Variants in TRPC5 observed in about 807,000 individuals in gnomAD.
TRPC5 encodes short transient receptor potential channel 5.
A neutral mutation model predicts 56.5 loss-of-function variants in TRPC5; 9 were observed. The observed-to-expected ratio is 0.16, with a 90% CI of 0.10 to 0.28. The LOEUF is 0.28. Ranked by LOEUF, TRPC5 falls within the 10% of genes least tolerant of loss-of-function variation. The pLI is 1.00. For synonymous variants in TRPC5, 282 were observed against 278.5 expected (o/e 1.01, Z -0.13); for missense variants, 469 against 748.9 (o/e 0.63, Z 4.36).
intron 2 of TRPC5, among the ~76,000 whole-genome samples, chrX:111,947,753 C>T (rs1251435755): frequency 1.8e-5 from 2 of 112,165 alleles, no homozygotes; most frequent in South Asian, 3.7e-4. Context: ...GTATGTTACT[C>T]ATTCATTAAA....
chrX:111,859,615 T>C (rs1351361185), intron 3 of TRPC5, among the ~76,000 whole-genome samples: 4 of 112,249 alleles, frequency 3.6e-5, no homozygotes, highest in Non-Finnish European at 5.6e-5. Flanking sequence ...GGTTTTAAGA[T>C]AACTTGGGGT....
chrX:112,061,094 A>C (rs1224370852), intron 1 of TRPC5, among the ~76,000 whole-genome samples: 1 of 112,219 alleles, frequency 8.9e-6, no homozygotes, highest in Non-Finnish European at 1.9e-5. Flanking sequence ...TTTATCTCTG[A>C]TTCAGCTTAT....
rs765080790 is a variant in TRPC5 at position 111,782,030 on chromosome X, A to T, written c.2005T>A (p.Ser669Thr). Residue 669 changes from serine (S) to threonine (T), a missense_variant, in exon 8 of 11, where the codon TCA (serine) becomes ACA (threonine). This residue lies in a region of TRPC5 where 157 missense variants were observed against 360.0 expected (regional missense o/e 0.44). Coordinates refer to ENST00000262839, the MANE Select transcript of TRPC5 (RefSeq NM_012471.3). ...AACCAGTTACCAAGGTATAGAAATGACTTGGGGCTGGGGATGATGTTGAAA... is the reference window on the plus strand; with the variant it reads ...AACCAGTTACCAAGGTATAGAAATGTCTTGGGGCTGGGGATGATGTTGAAA... ...PPFNIIPSPK[S>T]FLYLGNWFNN... is the part of the protein sequence containing the mutation. The T allele has an allele frequency of 1.2e-5, 14 of 1,209,297 alleles. No individual in the cohort carries two copies. Among genetic ancestry groups the T allele is most frequent in the Non-Finnish European group, 1.2e-5 (11 of 894,229 alleles).
chrX:111,987,411 C>T (rs1395373641), intron 1 of TRPC5, among the ~76,000 whole-genome samples: 1 of 110,889 alleles, frequency 9.0e-6, no homozygotes, highest in Non-Finnish European at 1.9e-5. Context: ...GTACACAATA[C>T]AATATTATTA....
chrX:111,876,602 G>GA (rs1162571834), intron 3 of TRPC5, among the ~76,000 whole-genome samples: 3 of 111,625 alleles, frequency 2.7e-5, no homozygotes, highest in African/African-American at 9.8e-5. Context: ...CTAATGCCCT[G>GA]AGGGAACCAG....
rs183293970 is a variant in TRPC5, at chrX:112,000,191, A to G, written c.-21-47750T>C. Among the ~76,000 whole-genome samples the G allele has an allele frequency of 7.4e-3, 826 of 111,569 alleles. 7 individuals are homozygous for G. The highest frequency in any genetic ancestry group is 0.019 in the Middle Eastern group (4 of 216). The stretch of plus-strand genomic sequence containing the variant: ...TTAGAATCACCAGCAGATTTCTAAA[A>G]CAGTTTATTGCAGTCAATCAGCAAC... On this transcript the variant is annotated intron_variant, in intron 1 of 10. Transcript: ENST00000262839.
intron 2 of TRPC5, 34 bp from the exon 3 acceptor site, chrX:111,912,846 G>T: frequency 8.6e-7 from 1 of 1,166,948 alleles, no homozygotes; most frequent in Non-Finnish European, 1.1e-6. Context: ...TAGAAGGGCA[G>T]GATTAAAGTT....
chrX:111,815,767 G>C (rs1287962404), intron 7 of TRPC5, among the ~76,000 whole-genome samples: 10 of 110,300 alleles, frequency 9.1e-5, no homozygotes, highest in African/African-American at 3.3e-4. Context: ...GGCCAAAGCA[G>C]CTAACCAGCA....
intron 1 of TRPC5, among the ~76,000 whole-genome samples, chrX:112,057,528 A>G (rs1031861345): frequency 8.9e-6 from 1 of 111,931 alleles, no homozygotes; most frequent in African/African-American, 3.3e-5. Flanking sequence ...TACCAAACTT[A>G]GTCATCTTAT....
chrX:111,970,158 G>C (rs1051401158), intron 1 of TRPC5, among the ~76,000 whole-genome samples: 16 of 111,361 alleles, frequency 1.4e-4, no homozygotes, highest in Non-Finnish European at 9.4e-5. Context: ...GACTGAGAAA[G>C]GCCATTCATT....
rs180889602 is a variant in TRPC5, at chrX:111,946,517, A to T, written c.378+5526T>A. On this transcript the variant is annotated intron_variant, in intron 2 of 10. Coordinates refer to ENST00000262839, the MANE Select transcript of TRPC5 (RefSeq NM_012471.3). ...AGAACTCGGCCCACTTTCAAAACTCAGACAGAGCTGGCATTACTAGCCTCC... is the reference window on the plus strand; with the variant it reads ...AGAACTCGGCCCACTTTCAAAACTCTGACAGAGCTGGCATTACTAGCCTCC... 8.0e-5 allele frequency among the ~76,000 whole-genome samples: 9 copies of T among 112,068 alleles called. No individual in the cohort carries two copies. The East Asian group carries it at 2.0e-3, about 25-fold the overall frequency.
chrX:111,901,870 T>C lies in TRPC5; in HGVS notation c.900+10421A>G, dbSNP rs939017213. 2.6e-6 allele frequency: 3 copies of C among 1,144,123 alleles called. No individual in the cohort carries two copies. The African/African-American group carries it at 5.4e-5, about 21-fold the overall frequency. The allele number at this position is 1,144,123 out of a possible 1,213,427, so 94.3% of individuals were successfully genotyped here. On this transcript the variant is annotated intron_variant, in intron 3 of 10. Coordinates refer to ENST00000262839, the MANE Select transcript of TRPC5 (RefSeq NM_012471.3). The stretch of plus-strand genomic sequence containing the variant: ...GCAGCATGGATTCTGTGTTAATTCA[T>C]GTACTCATTGATGGACTTGTTGCTT...
intron 1 of TRPC5, among the ~76,000 whole-genome samples, chrX:112,070,973 T>A (rs977332712): frequency 1.8e-5 from 2 of 111,398 alleles, no homozygotes; most frequent in Non-Finnish European, 3.8e-5. Context: ...TCTTATTTGA[T>A]TCTCAAAAAA....
intron 3 of TRPC5, among the ~76,000 whole-genome samples, chrX:111,893,622 A>G (rs948650638): frequency 3.6e-5 from 4 of 112,045 alleles, no homozygotes; most frequent in African/African-American, 1.3e-4. Context: ...GTTTAAATTG[A>G]CCATAAGGAC....
intron 7 of TRPC5, among the ~76,000 whole-genome samples, chrX:111,833,374 CA>C (rs1304748465): frequency 7.2e-5 from 8 of 111,266 alleles, no homozygotes; most frequent in Non-Finnish European, 1.5e-4. Flanking sequence ...TTACTAAAGA[CA>C]TGCAGTTATA....
chrX:111,995,440 C>G (rs1260768706), intron 1 of TRPC5, among the ~76,000 whole-genome samples: 1 of 111,493 alleles, frequency 9.0e-6, no homozygotes, highest in South Asian at 3.8e-4. Context: ...TTTTGTGTGT[C>G]TCTGCCAGGC....
intron 1 of TRPC5, among the ~76,000 whole-genome samples, chrX:112,044,444 G>T (rs753671074): frequency 9.0e-6 from 1 of 111,704 alleles, no homozygotes; most frequent in Non-Finnish European, 1.9e-5. Flanking sequence ...CCAAACCTCA[G>T]TTTCCTCACC....
intron 1 of TRPC5, among the ~76,000 whole-genome samples, chrX:111,956,262 T>C (rs1407550614): frequency 1.8e-5 from 2 of 112,170 alleles, no homozygotes; most frequent in East Asian, 5.6e-4. Flanking sequence ...TATCTGTGCA[T>C]GGCTTGCACC....
chrX:111,916,256 A>G (rs1697700377), intron 2 of TRPC5, among the ~76,000 whole-genome samples: 1 of 112,322 alleles, frequency 8.9e-6, no homozygotes, highest in Admixed American at 9.4e-5. Flanking sequence ...GAGAAGGCAG[A>G]CATCCCAAGA....
Sources: allele counts gnomAD v4.1 joint callset (sites outside exome capture counted in the v4.1 genomes callset), GRCh38; gene constraint gnomAD v4.1.1; regional missense constraint gnomAD v4.1.1; transcripts MANE v1.5; gene names NCBI Gene and HGNC (gene_info 2026-07-23, HGNC 2026-07-21).